The following ST6GAL2 variants were observed in gnomAD, a reference collection of about 807,000 sequenced individuals.
ST6GAL2 encodes beta-galactoside alpha-2,6-sialyltransferase 2.
A neutral mutation model predicts 37.5 loss-of-function variants in ST6GAL2; 24 were observed. That is an observed-to-expected ratio of 0.64 (90% CI 0.46 to 0.90). The LOEUF is 0.90. ST6GAL2 is among the 40% of genes least tolerant of loss of function. The probability of loss-of-function intolerance (pLI) is 0.00; values close to 1 mark genes in which losing one functional copy is unlikely to be tolerated. For synonymous variants in ST6GAL2, 306 were observed against 295.1 expected, an observed-to-expected ratio of 1.04 and a Z score of -0.38; for missense variants, 715 against 712.7, an observed-to-expected ratio of 1.00 and a Z score of -0.04.
At chr2:106,866,986 A>G (rs1462208777) in intron 1 of ST6GAL2, among the ~76,000 whole-genome samples, 1 of 152,210 alleles carries the variant, frequency 6.6e-6, no homozygotes, top group Non-Finnish European at 1.5e-5. Context: ...AAAAAAACAT[A>G]CCAATAATTA....
At chr2:106,859,001 G>A (rs566155092) in intron 1 of ST6GAL2, among the ~76,000 whole-genome samples, 113 of 150,694 alleles carry the variant, frequency 7.5e-4, no homozygotes, top group African/African-American at 2.7e-3. Flanking sequence ...GGCAGCACAC[G>A]TTGTAATGCT....
chr2:106,865,225 T>C (rs867614692), intron 1 of ST6GAL2, among the ~76,000 whole-genome samples: 1 of 152,276 alleles, frequency 6.6e-6, no homozygotes, highest in Middle Eastern at 3.4e-3. Flanking sequence ...ATAAATCTCC[T>C]GAAAAGGTAC....
At chr2:106,829,924 A>C (rs1050981026) in intron 5 of ST6GAL2, 142 bp downstream of exon 5, 20 of 817,836 alleles carry the variant, frequency 2.4e-5, no homozygotes, top group African/African-American at 2.4e-4. Flanking sequence ...GAAAAAAAAA[A>C]ATCCAAAATC....
intron 5 of ST6GAL2, among the ~76,000 whole-genome samples, chr2:106,819,244 A>T (rs1675912330): frequency 6.6e-6 from 1 of 152,152 alleles, no homozygotes; most frequent in Non-Finnish European, 1.5e-5. Flanking sequence ...CAAGTACAAG[A>T]TTATAGAACA....
chr2:106,823,503 AGATC>A (rs1558683095), intron 5 of ST6GAL2, among the ~76,000 whole-genome samples: 1 of 114,414 alleles, frequency 8.7e-6, no homozygotes, highest in Non-Finnish European at 2.1e-5. Context: ...AGAGAGAGAG[AGATC>A]GAGAGAGAGA....
At chr2:106,832,542 G>C in intron 4 of ST6GAL2, 23 bp downstream of exon 4, 4 of 1,329,820 alleles carry the variant, frequency 3.0e-6, no homozygotes, top group Non-Finnish European at 4.2e-6. Flanking sequence ...CGTTGGGGTG[G>C]GCAAATCCAG....
At chr2:106,838,327 G>A (rs1244613357) in intron 2 of ST6GAL2, among the ~76,000 whole-genome samples, 1 of 152,100 alleles carries the variant, frequency 6.6e-6, no homozygotes, top group Non-Finnish European at 1.5e-5. Flanking sequence ...CCTGCCCCAG[G>A]CCCCATTCAC....
At chr2:106,878,236 G>T (rs1019179699) in intron 1 of ST6GAL2, among the ~76,000 whole-genome samples, 1 of 152,254 alleles carries the variant, frequency 6.6e-6, no homozygotes, top group African/African-American at 2.4e-5. Flanking sequence ...GTTGAGGCGG[G>T]AGGATCGCTA....
intron 5 of ST6GAL2, among the ~76,000 whole-genome samples, 171 bp downstream of exon 5, chr2:106,829,895 T>C (rs1317691603): frequency 1.4e-5 from 2 of 139,122 alleles, no homozygotes; most frequent in Non-Finnish European, 3.1e-5. Flanking sequence ...GTTAAATATC[T>C]GCAAATATTC....
intron 1 of ST6GAL2, among the ~76,000 whole-genome samples, chr2:106,884,126 TG>T (rs944693488): frequency 6.7e-6 from 1 of 149,524 alleles, no homozygotes; most frequent in African/African-American, 2.4e-5. Context: ...AACTCGGGGG[TG>T]GGGGGGTGGA....
At chr2:106,875,246 G>A (rs1187609111) in intron 1 of ST6GAL2, among the ~76,000 whole-genome samples, 1 of 149,678 alleles carries the variant, frequency 6.7e-6, no homozygotes, top group East Asian at 2.0e-4. Context: ...TGTGATCTCA[G>A]CTCACTGCAA....
At chr2:106,839,222 T>G (rs927128027) in intron 2 of ST6GAL2, among the ~76,000 whole-genome samples, 1 of 152,100 alleles carries the variant, frequency 6.6e-6, no homozygotes, top group African/African-American at 2.4e-5. Context: ...TACGAGCCCA[T>G]GTACTCCCTG....
At chr2:106,874,322 A>G (rs1353159957) in intron 1 of ST6GAL2, among the ~76,000 whole-genome samples, 3 of 152,186 alleles carry the variant, frequency 2.0e-5, no homozygotes, top group Admixed American at 6.5e-5. Flanking sequence ...GGAGGCGGGC[A>G]GAAGGAGAGG....
intron 1 of ST6GAL2, among the ~76,000 whole-genome samples, chr2:106,872,908 G>A (rs1322868065): frequency 6.6e-6 from 1 of 151,176 alleles, no homozygotes; most frequent in Non-Finnish European, 1.5e-5. Context: ...TTTTTATTTC[G>A]ATTCTAGTAC....
chr2:106,819,300 A>C (rs1302120204), intron 5 of ST6GAL2, among the ~76,000 whole-genome samples: 1 of 152,050 alleles, frequency 6.6e-6, no homozygotes, highest in African/African-American at 2.4e-5. Context: ...AAATTTAATA[A>C]CCAAACTACC....
At chr2:106,855,947 A>G (rs1287342789) in intron 1 of ST6GAL2, among the ~76,000 whole-genome samples, 5 of 152,180 alleles carry the variant, frequency 3.3e-5, no homozygotes, top group Admixed American at 6.5e-5. Context: ...ACTGAATGCT[A>G]TAATGCTTTA....
rs59565436 is a variant in ST6GAL2 at position 106,862,988 on chromosome 2, CTT to C, written c.-57-18956_-57-18955del. On this transcript the variant is annotated intron_variant, in intron 1 of 5. Coordinates refer to ENST00000409382, the MANE Select transcript of ST6GAL2 (RefSeq NM_001142351.2). Reference sequence around the variant, plus strand: ...AGTGCATTGCTTATAATGTAAATGTCTTTTTTTTTTTTCTATTAGAAAAGCTA... The same window carrying C: ...AGTGCATTGCTTATAATGTAAATGTCTTTTTTTTTTCTATTAGAAAAGCTA... Among the ~76,000 whole-genome samples the C allele has an allele frequency of 2.8e-3, 419 of 148,666 alleles. 1 individual carries two copies. Among genetic ancestry groups the C allele is most frequent in the Middle Eastern group, 0.01 (3 of 288 alleles).
chr2:106,882,565 G>A (rs148115633), intron 1 of ST6GAL2, among the ~76,000 whole-genome samples: 9 of 152,308 alleles, frequency 5.9e-5, no homozygotes, highest in African/African-American at 2.2e-4. Context: ...TTTTAAGTAT[G>A]CCACAACTTA....
chr2:106,858,889 A>C (rs1376463746), intron 1 of ST6GAL2, among the ~76,000 whole-genome samples: 1 of 152,102 alleles, frequency 6.6e-6, no homozygotes, highest in Non-Finnish European at 1.5e-5. Context: ...GTCTGTGCTC[A>C]GAATGGCAAG....
Sources: gnomAD v4.1 joint callset for allele counts (sites outside exome capture counted in the v4.1 genomes callset) on GRCh38, gnomAD v4.1.1 for gene constraint, MANE v1.5 for transcripts, NCBI Gene and HGNC (gene_info 2026-07-23, HGNC 2026-07-21) for gene names.